Variants in MCTP1 observed in about 807,000 individuals in gnomAD.
MCTP1 encodes multiple C2 and transmembrane domain containing 1, also known as multiple C2 and transmembrane domain-containing protein 1.
A neutral mutation model predicts 120.6 loss-of-function variants in MCTP1; 69 were observed. The observed-to-expected ratio is 0.57, with a 90% CI of 0.47 to 0.70. The LOEUF (loss-of-function observed/expected upper bound fraction) is 0.70. Among genes scored for constraint, MCTP1 ranks in the 30% least tolerant of loss-of-function variants. The probability of loss-of-function intolerance (pLI) is 0.00; values close to 1 mark genes in which losing one functional copy is unlikely to be tolerated. For synonymous variants in MCTP1, 529 were observed against 493.1 expected (o/e 1.07, Z -0.96); for missense variants, 1,203 against 1,248.8 (o/e 0.96, Z 0.55).
chr5:94,877,599 C>A (rs967067253), intron 12 of MCTP1: 1 of 152,058 alleles, frequency 6.6e-6, no homozygotes, highest in East Asian at 1.9e-4. Context: ...ATCTTCAAAA[C>A]GGCACCAAGG....
At chr5:95,040,012 A>C (rs1842062314) in intron 1 of MCTP1, among the ~76,000 whole-genome samples, 1 of 152,180 alleles carries the variant, frequency 6.6e-6, no homozygotes, top group African/African-American at 2.4e-5. Flanking sequence ...TGCTACTATA[A>C]GATTGTCAAA....
intron 1 of MCTP1, among the ~76,000 whole-genome samples, chr5:95,118,166 C>G (rs73140072): frequency 5.5e-4 from 84 of 152,310 alleles, no homozygotes; most frequent in African/African-American, 1.8e-3. Context: ...GCACAATTTA[C>G]CTATGTAACA....
chr5:94,727,661 C>A (rs945252708), intron 19 of MCTP1, among the ~76,000 whole-genome samples: 7 of 152,136 alleles, frequency 4.6e-5, no homozygotes, highest in Non-Finnish European at 4.4e-5. Context: ...AAGAACAAAT[C>A]AGGATAAAAG....
At chr5:95,050,220 A>G (rs979806482) in intron 1 of MCTP1, among the ~76,000 whole-genome samples, 4 of 152,244 alleles carry the variant, frequency 2.6e-5, no homozygotes, top group African/African-American at 9.6e-5. Context: ...ATTAAACCAC[A>G]GAATATCCAG....
chr5:94,858,351 G>A (rs976298761), intron 17 of MCTP1, among the ~76,000 whole-genome samples: 1 of 151,580 alleles, frequency 6.6e-6, no homozygotes, highest in African/African-American at 2.4e-5. Flanking sequence ...AGTGTGATGT[G>A]ATTTCCACTA....
chr5:95,073,977 G>A (rs764020823), intron 1 of MCTP1, among the ~76,000 whole-genome samples: 4 of 152,168 alleles, frequency 2.6e-5, no homozygotes, highest in Non-Finnish European at 4.4e-5. Context: ...TTGGCCGGGC[G>A]TGGTGGCGGG....
chr5:95,079,816 C>T (rs56155429), intron 1 of MCTP1, among the ~76,000 whole-genome samples: 29,780 of 151,768 alleles, frequency 0.2, 3,169 homozygotes, highest in East Asian at 0.35. Flanking sequence ...CACAAGAAAA[C>T]TTTTAATTAA....
intron 1 of MCTP1, among the ~76,000 whole-genome samples, chr5:95,190,138 A>C (rs1026325536): frequency 2.6e-5 from 4 of 152,228 alleles, no homozygotes; most frequent in African/African-American, 4.8e-5. Context: ...TTTCTAACAC[A>C]AACACTCCAG....
chr5:95,190,398 T>C (rs899308125), intron 1 of MCTP1, among the ~76,000 whole-genome samples: 3 of 152,168 alleles, frequency 2.0e-5, no homozygotes, highest in Non-Finnish European at 2.9e-5. Context: ...GAGTCAGTTA[T>C]CTAGTTTAAA....
In MCTP1 at chr5:95,212,844, G is replaced by C. The variant is rs1752558837; in HGVS notation, c.720+71012C>G. ...CATGTTAAAAACTCTCAATAAATTA[G>C]GTATTCACGGGACGTATCTCAAAAT... is the stretch of plus-strand genomic sequence containing the variant. On this transcript the variant is annotated intron_variant, in intron 1 of 22. Transcript: ENST00000515393. Among the ~76,000 whole-genome samples the C allele has an allele frequency of 3.3e-5, 5 of 152,034 alleles. No homozygotes were observed. The South Asian group carries it at 1.0e-3, about 32-fold the overall frequency.
chr5:95,097,196 CA>C (rs1385817017), intron 1 of MCTP1, among the ~76,000 whole-genome samples: 2 of 151,350 alleles, frequency 1.3e-5, no homozygotes, highest in African/African-American at 4.9e-5. Flanking sequence ...TTAAATAGAG[CA>C]AAAACAAGCC....
At chr5:95,174,251 A>G (rs1209169294) in intron 1 of MCTP1, among the ~76,000 whole-genome samples, 1 of 152,206 alleles carries the variant, frequency 6.6e-6, no homozygotes, top group Non-Finnish European at 1.5e-5. Flanking sequence ...AATGAAGACC[A>G]TGTATCATAT....
chr5:94,813,288 A>G (rs1783825608), intron 17 of MCTP1, among the ~76,000 whole-genome samples: 1 of 152,216 alleles, frequency 6.6e-6, no homozygotes, highest in South Asian at 2.1e-4. Flanking sequence ...CACCCACTAG[A>G]GTGGCTGTAA....
rs533688240 is a variant in MCTP1, at chr5:94,829,176, G to C, written c.2437-30044C>G. ...CATAGTATCTGGGCCAGAATGCACT[G>C]TTCCTCACGGCATGGTCCCTCATGG... On this transcript the variant is annotated intron_variant, in intron 17 of 22. Coordinates refer to ENST00000515393, the MANE Select transcript of MCTP1 (RefSeq NM_024717.7). Among the ~76,000 whole-genome samples, 5 of 152,312 alleles carry C rather than the reference G, an allele frequency of 3.3e-5. No homozygotes were observed. The South Asian group carries it at 1.0e-3, about 32-fold the overall frequency.
At chr5:95,050,065 C>G (rs1745502360) in intron 1 of MCTP1, among the ~76,000 whole-genome samples, 1 of 151,828 alleles carries the variant, frequency 6.6e-6, no homozygotes, top group African/African-American at 2.4e-5. Context: ...GATAATGTGG[C>G]AGTCCTCACA....
intron 1 of MCTP1, among the ~76,000 whole-genome samples, chr5:95,065,948 G>T (rs1750555516): frequency 6.6e-6 from 1 of 151,996 alleles, no homozygotes; most frequent in Non-Finnish European, 1.5e-5. Context: ...ATATCGGTGT[G>T]GGCAAGTGTT....
chr5:94,751,410 G>A (rs1326905927), intron 19 of MCTP1, among the ~76,000 whole-genome samples: 2 of 151,028 alleles, frequency 1.3e-5, no homozygotes, highest in African/African-American at 4.9e-5. Context: ...GTGGGGTGGA[G>A]ACAGGGGGTG....
chr5:95,212,710 T>C (rs553314932), intron 1 of MCTP1, among the ~76,000 whole-genome samples: 3 of 151,976 alleles, frequency 2.0e-5, no homozygotes, highest in Non-Finnish European at 4.4e-5. Context: ...TGGTTCAATA[T>C]ACACAAATCA....
intron 1 of MCTP1, among the ~76,000 whole-genome samples, chr5:95,195,507 C>T (rs1750284124): frequency 6.6e-6 from 1 of 152,024 alleles, no homozygotes; most frequent in Non-Finnish European, 1.5e-5. Context: ...CCATTGGCAG[C>T]CCGTATTTTT....
Sources: gnomAD v4.1 joint callset for allele counts (sites outside exome capture counted in the v4.1 genomes callset) on GRCh38, gnomAD v4.1.1 for gene constraint, MANE v1.5 for transcripts, NCBI Gene and HGNC (gene_info 2026-07-23, HGNC 2026-07-21) for gene names.